The following SHANK2 variants were observed in gnomAD, a reference collection of about 807,000 sequenced individuals.
SHANK2 encodes the protein SH3 and multiple ankyrin repeat domains protein 2.
In SHANK2, 43 loss-of-function variants were observed where a neutral mutation model predicts 133.7. The observed-to-expected ratio is 0.32, with a 90% CI of 0.25 to 0.41. SHANK2 has a LOEUF of 0.41. Ranked by LOEUF, SHANK2 falls within the 10% of genes least tolerant of loss-of-function variation. SHANK2 has a pLI of 1.00. For missense variants in SHANK2, 1,994 were observed against 2,235.8 expected, an observed-to-expected ratio of 0.89 and a Z score of 2.18; for synonymous variants, 1,017 against 952.8, an observed-to-expected ratio of 1.07 and a Z score of -1.24.
chr11:70,641,860 TGGGCAGTCCAGC>T (rs576330820), intron 17 of SHANK2, among the ~76,000 whole-genome samples: 58 of 152,250 alleles, frequency 3.8e-4, no homozygotes, highest in African/African-American at 1.4e-3. Flanking sequence ...CCCTGGGCTG[TGGGCAGTCCAGC>T]GGGCAGGCAA....
intron 10 of SHANK2, among the ~76,000 whole-genome samples, chr11:70,904,069 C>A (rs983210851): frequency 5.9e-5 from 9 of 152,164 alleles, no homozygotes; most frequent in African/African-American, 1.9e-4. Flanking sequence ...AGTCCTTGCA[C>A]CCACCCCATC....
At chr11:70,690,488 GTTTTTTTTTTTTTTTTT>G (rs35737323) in intron 15 of SHANK2, among the ~76,000 whole-genome samples, 5 of 32,802 alleles carry the variant, frequency 1.5e-4, no homozygotes, top group East Asian at 1.3e-3. Context: ...TACTTCCCAT[GTTTTTTTTTTTTTTTTT>G]TTTTTTTTTT....
chr11:70,856,076 T>C (rs1173135735), intron 11 of SHANK2, among the ~76,000 whole-genome samples: 3 of 148,884 alleles, frequency 2.0e-5, no homozygotes, highest in Non-Finnish European at 4.5e-5. Flanking sequence ...GGTGGGTAAA[T>C]GGATAGATGA....
chr11:70,654,054 A>C (rs146392373), intron 17 of SHANK2: 181 of 152,386 alleles, frequency 1.2e-3, no homozygotes, highest in African/African-American at 4.0e-3. Flanking sequence ...AGTATTTAAT[A>C]CGAGGAAAAT....
intron 1 of SHANK2, among the ~76,000 whole-genome samples, chr11:71,233,069 T>TG (rs1182816499): frequency 1.3e-5 from 2 of 151,824 alleles, no homozygotes; most frequent in Admixed American, 1.3e-4. Context: ...CCCAGCACTT[T>TG]GGGGGGCCGA....
intron 17 of SHANK2, 117 bp downstream of exon 17, chr11:70,659,711 C>T: frequency 1.6e-6 from 2 of 1,272,284 alleles, no homozygotes; most frequent in Non-Finnish European, 2.2e-6. Flanking sequence ...AAGTTCATGG[C>T]AGCCTCCACA....
intron 11 of SHANK2, among the ~76,000 whole-genome samples, chr11:70,878,677 A>G (rs565712923): frequency 6.6e-6 from 1 of 152,146 alleles, no homozygotes; most frequent in Non-Finnish European, 1.5e-5. Flanking sequence ...TTCAGCCTCT[A>G]CTTGATAAAT....
At chr11:70,952,221 C>A (rs989334161) in intron 10 of SHANK2, among the ~76,000 whole-genome samples, 7 of 152,174 alleles carry the variant, frequency 4.6e-5, no homozygotes, top group Non-Finnish European at 2.9e-5. Context: ...TGAGAGTGGG[C>A]CGGTTTCCTT....
At chr11:71,143,918 G>A (rs868967032) in intron 3 of SHANK2, among the ~76,000 whole-genome samples, 5 of 151,772 alleles carry the variant, frequency 3.3e-5, no homozygotes, top group Non-Finnish European at 5.9e-5. Context: ...AAGTACCACC[G>A]ATAACGAGCA....
chr11:70,844,583 C>T (rs979862300), intron 11 of SHANK2, among the ~76,000 whole-genome samples: 1 of 152,178 alleles, frequency 6.6e-6, no homozygotes, highest in Non-Finnish European at 1.5e-5. Flanking sequence ...CTGCTGCAGC[C>T]CTTTGAGTAA....
chr11:70,914,790 C>CTGCGA (rs1467559024), intron 10 of SHANK2, among the ~76,000 whole-genome samples: 1 of 151,010 alleles, frequency 6.6e-6, no homozygotes, highest in Non-Finnish European at 1.5e-5. Flanking sequence ...ATTCAGGAGA[C>CTGCGA]TGCGAAGGGA....
chr11:70,873,319 G>A (rs564161034), intron 11 of SHANK2, among the ~76,000 whole-genome samples: 2 of 152,242 alleles, frequency 1.3e-5, no homozygotes, highest in Non-Finnish European at 2.9e-5. Context: ...TGACAAGGTC[G>A]AGACTTGCAG....
chr11:71,110,438 A>G (rs1052142709), intron 5 of SHANK2, among the ~76,000 whole-genome samples: 8 of 152,052 alleles, frequency 5.3e-5, no homozygotes, highest in African/African-American at 1.9e-4. Context: ...ACTCCATCTC[A>G]AACAAACAAA....
At chr11:70,495,535 T>C (rs545209421) in intron 21 of SHANK2, among the ~76,000 whole-genome samples, 1 of 152,178 alleles carries the variant, frequency 6.6e-6, no homozygotes, top group South Asian at 2.1e-4. Context: ...GCCCCCAGAG[T>C]ATTTTTCTCC....
intron 9 of SHANK2, among the ~76,000 whole-genome samples, chr11:71,072,544 C>T (rs1951157483): frequency 6.6e-6 from 1 of 152,152 alleles, no homozygotes; most frequent in African/African-American, 2.4e-5. Flanking sequence ...GGGCATTTTT[C>T]CCCGAAAGAA....
intron 1 of SHANK2, among the ~76,000 whole-genome samples, chr11:71,245,752 G>A (rs781841432): frequency 2.0e-5 from 3 of 152,226 alleles, no homozygotes; most frequent in Non-Finnish European, 4.4e-5. Context: ...CGACGCCATC[G>A]GGTCAGTATC....
intron 21 of SHANK2, among the ~76,000 whole-genome samples, chr11:70,499,026 G>A (rs1447152983): frequency 6.6e-6 from 1 of 152,226 alleles, no homozygotes; most frequent in Non-Finnish European, 1.5e-5. Context: ...TGTTCCACAT[G>A]GCCTTTCTGG....
intron 8 of SHANK2, among the ~76,000 whole-genome samples, chr11:71,091,732 G>A (rs1209781587): frequency 2.0e-5 from 3 of 151,930 alleles, no homozygotes; most frequent in Admixed American, 6.6e-5. Flanking sequence ...TCCCTGACAT[G>A]GGCCTGCGGG....
chr11:70,931,953 TA>T (rs782753091), intron 10 of SHANK2, among the ~76,000 whole-genome samples: 27 of 152,208 alleles, frequency 1.8e-4, no homozygotes, highest in African/African-American at 4.8e-4. Flanking sequence ...GCATAACAAA[TA>T]TTTTTTTAAG....
Sources: allele counts gnomAD v4.1 joint callset (sites outside exome capture counted in the v4.1 genomes callset), GRCh38; gene constraint gnomAD v4.1.1; transcripts MANE v1.5; gene names NCBI Gene and HGNC (gene_info 2026-07-23, HGNC 2026-07-21).